KCTD10: variants seen among roughly 807,000 people sequenced by gnomAD.
The protein encoded by KCTD10 is BTB/POZ domain-containing adapter for CUL3-mediated RhoA degradation protein 3.
A neutral mutation model predicts 34.6 loss-of-function variants in KCTD10; 13 were observed. The ratio of observed to expected loss-of-function variants is 0.38; its 90% confidence interval spans 0.24 to 0.60. The LOEUF (loss-of-function observed/expected upper bound fraction) is 0.60, where lower values mean the gene tolerates loss of function less well. KCTD10 is among the 20% of genes least tolerant of loss of function. The probability of loss-of-function intolerance (pLI) is 0.66; values close to 1 mark genes in which losing one functional copy is unlikely to be tolerated. For missense variants in KCTD10, 256 were observed against 420.3 expected, an observed-to-expected ratio of 0.61 and a Z score of 3.42; for synonymous variants, 156 against 168.8, an observed-to-expected ratio of 0.92 and a Z score of 0.59.
chr12:109,452,693 G>A (rs1872833012), intron 6 of KCTD10, among the ~76,000 whole-genome samples: 1 of 152,230 alleles, frequency 6.6e-6, no homozygotes, highest in Non-Finnish European at 1.5e-5. Context: ...ATGCCCAACA[G>A]TGAGTTTACT....
intron 2 of KCTD10, among the ~76,000 whole-genome samples, chr12:109,468,678 AGTCTC>A (rs1194118021): frequency 8.1e-6 from 1 of 123,498 alleles, no homozygotes; most frequent in Non-Finnish European, 1.6e-5. Context: ...TTTGAGACGG[AGTCTC>A]GCTCTGTCGC....
rs1174291946 is a variant in KCTD10, at chr12:109,450,608, A to G, written c.*987T>C. 2.6e-6 allele frequency: 1 copy of G among 381,690 alleles called. No individual in the cohort carries two copies. The highest frequency in any genetic ancestry group is 3.7e-5 in the East Asian group (1 of 26,860). The allele number at this position is 381,690 out of a possible 1,614,324, so 23.6% of individuals were successfully genotyped here. On this transcript the variant is annotated 3_prime_UTR_variant, in exon 7 of 7. Coordinates refer to ENST00000228495, the MANE Select transcript of KCTD10 (RefSeq NM_031954.5). ...GCCTGGATGCCAGGCTGGGAGGACA[A>G]AGGGTATGGGCCACACTGAATTTCT...
Position 109,450,481 on chromosome 12 carries a change from C to T in KCTD10, c.*1114G>A. 1 of 398,770 alleles carries T rather than the reference C, an allele frequency of 2.5e-6. No homozygotes were observed. Among genetic ancestry groups the T allele is most frequent in the East Asian group, 3.6e-5 (1 of 28,080 alleles). 24.7% of individuals were successfully genotyped at this position (398,770 alleles called of 1,614,324 possible). On this transcript the variant is annotated 3_prime_UTR_variant, in exon 7 of 7. Transcript: ENST00000228495. ...TACCCGCACATCCTCAACCTGTTCA[C>T]TGCTGGCCACTCTACACTGTGTAAA...
At chr12:109,456,930 CG>C (rs1281975410) in intron 5 of KCTD10, 2 of 157,316 alleles carry the variant, frequency 1.3e-5, no homozygotes, top group East Asian at 1.9e-4. Context: ...GAAATGAAAA[CG>C]TAAGTCCACA....
chr12:109,469,702 C>T lies in KCTD10; in HGVS notation c.30G>A (p.Val10=). Reference sequence around the variant, plus strand: ...TAGCAGCCGCTGGCACCGCTGAGCTCACCACACTTTCTCCTGACATCTCTT... The same window carrying T: ...TAGCAGCCGCTGGCACCGCTGAGCTTACCACACTTTCTCCTGACATCTCTT... MEEMSGESV[V]SSAVPAAATR... The change falls in exon 2 of 7, where the codon GTG becomes GTA. Residue 10 remains valine (V), a synonymous_variant. Transcript: ENST00000228495. 6.2e-7 allele frequency: 1 copy of T among 1,614,198 alleles called. No homozygotes were observed. The highest frequency in any genetic ancestry group is 8.5e-7 in the Non-Finnish European group (1 of 1,180,036).
chr12:109,463,481 A>G (rs1873440865), intron 2 of KCTD10, among the ~76,000 whole-genome samples: 1 of 152,206 alleles, frequency 6.6e-6, no homozygotes, highest in Non-Finnish European at 1.5e-5. Flanking sequence ...ACGTAGAAAG[A>G]CAAATGGAAG....
chr12:109,473,122 C>G (rs886838185), intron 1 of KCTD10, among the ~76,000 whole-genome samples: 1 of 152,200 alleles, frequency 6.6e-6, no homozygotes, highest in Non-Finnish European at 1.5e-5. Context: ...GTCAGTCACT[C>G]TCAAGCTGGA....
chr12:109,467,877 T>C (rs1873670282), intron 2 of KCTD10, among the ~76,000 whole-genome samples: 2 of 151,080 alleles, frequency 1.3e-5, no homozygotes, highest in Admixed American at 1.3e-4. Flanking sequence ...GACAGAGGAG[T>C]CCGTTTCTTT....
chr12:109,469,832 T>A (rs926796688), intron 1 of KCTD10, 104 bp from the exon 2 acceptor site: 3 of 1,501,494 alleles, frequency 2.0e-6, no homozygotes, highest in Non-Finnish European at 2.7e-6. Context: ...GGGCCACGCA[T>A]ACACAGCATT....
At chr12:109,472,195 C>A (rs1226413198) in intron 1 of KCTD10, among the ~76,000 whole-genome samples, 1 of 151,970 alleles carries the variant, frequency 6.6e-6, no homozygotes, top group South Asian at 2.1e-4. Context: ...AACTTTTGGA[C>A]CCTTTTGTAA....
intron 2 of KCTD10, among the ~76,000 whole-genome samples, chr12:109,462,837 A>C (rs1873405675): frequency 6.6e-6 from 1 of 152,208 alleles, no homozygotes; most frequent in South Asian, 2.1e-4. Flanking sequence ...ACCCACCACA[A>C]GGCAAACAAA....
At chr12:109,452,696 A>G (rs1872833130) in intron 6 of KCTD10, among the ~76,000 whole-genome samples, 1 of 152,192 alleles carries the variant, frequency 6.6e-6, no homozygotes, top group Non-Finnish European at 1.5e-5. Flanking sequence ...CCCAACAGTG[A>G]GTTTACTGTT....
At chr12:109,455,893 T>C (rs1322134251) in intron 6 of KCTD10, among the ~76,000 whole-genome samples, 4 of 152,158 alleles carry the variant, frequency 2.6e-5, no homozygotes, top group Non-Finnish European at 5.9e-5. Context: ...GAGTCAAGCA[T>C]GCTTGGAAGG....
At chr12:109,472,093 A>G (rs1873918729) in intron 1 of KCTD10, among the ~76,000 whole-genome samples, 1 of 152,170 alleles carries the variant, frequency 6.6e-6, no homozygotes, top group Admixed American at 6.6e-5. Flanking sequence ...GGGAGGCCAC[A>G]CTACATTTAT....
chr12:109,451,607 G>T lies in KCTD10; in HGVS notation c.930C>A (p.His310Gln). 1 of 1,607,630 alleles carries T rather than the reference G, an allele frequency of 6.2e-7. No homozygotes were observed. The change falls in exon 7 of 7, where the codon CAC becomes CAA. Residue 310 changes from histidine (H) to glutamine (Q), a missense_variant. By Grantham distance (24) the His-to-Gln change is conservative. Transcript: ENST00000228495. This position sits in a 1 kb window ranked among gnomAD's most constrained non-coding sequence, Gnocchi z 5.0. ...GTCTCTTGCCTGCTCACTGGTGGAG[G>T]TGGGCCCGGTCATCAGGGCGCTTGA... ...IHIKRPDDRA[H>Q]LHQ is the part of the protein sequence containing the mutation.
chr12:109,461,304 T>C (rs935615628), intron 2 of KCTD10, among the ~76,000 whole-genome samples: 1 of 152,178 alleles, frequency 6.6e-6, no homozygotes, highest in Non-Finnish European at 1.5e-5. Flanking sequence ...GACCTCTGAC[T>C]CCCAAGGCTG....
chr12:109,462,599 T>A (rs1873390825), intron 2 of KCTD10, among the ~76,000 whole-genome samples: 1 of 152,140 alleles, frequency 6.6e-6, no homozygotes, highest in Admixed American at 6.5e-5. Context: ...GCACAATAAA[T>A]GAGTGCAGCT....
chr12:109,464,211 C>A (rs1873486841), intron 2 of KCTD10, among the ~76,000 whole-genome samples: 2 of 152,154 alleles, frequency 1.3e-5, no homozygotes, highest in Non-Finnish European at 2.9e-5. Context: ...ATAAATGCCA[C>A]CCAAGGTACT....
intron 1 of KCTD10, 70 bp from the exon 2 acceptor site, chr12:109,469,798 C>T: frequency 6.3e-7 from 1 of 1,585,796 alleles, no homozygotes. Context: ...TGGATTCAAT[C>T]TGGCCTCCAG....
Sources: allele counts gnomAD v4.1 joint callset (sites outside exome capture counted in the v4.1 genomes callset), GRCh38; gene constraint gnomAD v4.1.1; non-coding constraint Gnocchi (gnomAD v3.1); transcripts MANE v1.5; gene names NCBI Gene and HGNC (gene_info 2026-07-23, HGNC 2026-07-21).